P2RY12: variants seen among roughly 807,000 people sequenced by gnomAD.
P2RY12 encodes the protein P2Y purinoceptor 12.
Under a neutral mutation model 4.5 loss-of-function variants are expected in P2RY12, and 3 were observed. The ratio of observed to expected loss-of-function variants is 0.67; its 90% CI spans 0.31 to 1.74. P2RY12 has a LOEUF of 1.74. Ranked by LOEUF, P2RY12 falls within the 40% of genes most tolerant of loss-of-function variation. The pLI is 0.09. For synonymous variants in P2RY12, 148 were observed against 154.1 expected (o/e 0.96, Z 0.29); for missense variants, 356 against 407.8 (o/e 0.87, Z 1.09).
At chr3:151,368,644 CATTTCATT>C (rs1755672675) in intron 1 of P2RY12, among the ~76,000 whole-genome samples, 1 of 61,046 alleles carries the variant, frequency 1.6e-5, no homozygotes, top group African/African-American at 8.0e-5. Context: ...CATTTCATTT[CATTTCATT>C]TCATTTCATT....
chr3:151,350,180 A>G (rs1188475734), intron 1 of P2RY12: 3 of 1,613,936 alleles, frequency 1.9e-6, no homozygotes, highest in Middle Eastern at 1.7e-4. Flanking sequence ...AAAATTCTAA[A>G]TAAGAAGAGC....
intron 1 of P2RY12, among the ~76,000 whole-genome samples, chr3:151,377,439 T>C (rs1756978725): frequency 6.6e-6 from 1 of 152,256 alleles, no homozygotes; most frequent in African/African-American, 2.4e-5. Flanking sequence ...CTTAGTCTAC[T>C]GTGTTACGTA....
chr3:151,361,315 C>T (rs919688123), intron 1 of P2RY12, among the ~76,000 whole-genome samples: 1 of 151,882 alleles, frequency 6.6e-6, no homozygotes, highest in East Asian at 1.9e-4. Flanking sequence ...TGACCAGTAC[C>T]CTCACTGAAT....
intron 1 of P2RY12, chr3:151,356,120 C>T (rs1753885370): frequency 2.8e-6 from 4 of 1,406,366 alleles, no homozygotes; most frequent in Non-Finnish European, 3.9e-6. Context: ...AGCCAATTAG[C>T]TGGGCACAGT....
intron 1 of P2RY12, among the ~76,000 whole-genome samples, chr3:151,359,323 T>G (rs1369172980): frequency 6.6e-6 from 1 of 152,206 alleles, no homozygotes; most frequent in African/African-American, 2.4e-5. Flanking sequence ...GTTGAATCAT[T>G]ACTTTTCTTC....
chr3:151,352,779 A>G (rs79799079), intron 1 of P2RY12, among the ~76,000 whole-genome samples: 49 of 152,302 alleles, frequency 3.2e-4, no homozygotes, highest in East Asian at 1.9e-3. Context: ...TTGGTTGTCA[A>G]TGGTGTATCT....
intron 1 of P2RY12, among the ~76,000 whole-genome samples, chr3:151,350,662 A>G (rs1235012009): frequency 6.6e-6 from 1 of 152,152 alleles, no homozygotes; most frequent in African/African-American, 2.4e-5. Flanking sequence ...TCATGACAGC[A>G]TATTTGCTCA....
chr3:151,378,672 G>A (rs1170026048), intron 1 of P2RY12, among the ~76,000 whole-genome samples: 1 of 151,836 alleles, frequency 6.6e-6, no homozygotes, highest in African/African-American at 2.4e-5. Context: ...TTATGCCCAA[G>A]AAAAGGTTTC....
At chr3:151,359,289 TTTGC>T (rs1754321712) in intron 1 of P2RY12, among the ~76,000 whole-genome samples, 1 of 152,140 alleles carries the variant, frequency 6.6e-6, no homozygotes, top group South Asian at 2.1e-4. Context: ...TAGTTTTTGG[TTTGC>T]TTGTTTATAT....
At chr3:151,341,825 G>T (rs1412538221) in intron 1 of P2RY12, among the ~76,000 whole-genome samples, 1 of 151,718 alleles carries the variant, frequency 6.6e-6, no homozygotes, top group Non-Finnish European at 1.5e-5. Flanking sequence ...AGAATATGTG[G>T]TGTTTGGTTT....
At chr3:151,360,381 C>T in intron 1 of P2RY12, 2 of 1,144,506 alleles carry the variant, frequency 1.7e-6, no homozygotes, top group Non-Finnish European at 2.5e-6. Flanking sequence ...TTTTTCTTAC[C>T]CAAGTGATAC....
intron 1 of P2RY12, among the ~76,000 whole-genome samples, chr3:151,348,797 G>A (rs1012446408): frequency 3.3e-5 from 5 of 152,174 alleles, no homozygotes; most frequent in African/African-American, 4.8e-5. Context: ...AAAAACAGGC[G>A]CTTAGTTTAA....
In P2RY12 at chr3:151,338,502, A is replaced by G. The variant is rs1374555502; in HGVS notation, c.344T>C (p.Leu115Pro). 3.1e-6 allele frequency: 5 copies of G among 1,613,890 alleles called. No homozygotes were observed. Among genetic ancestry groups the G allele is most frequent in the African/African-American group, 1.3e-5 (1 of 74,874 alleles). ...YFTMYISISF[L>P]GLITIDRYQK... ...GTAGCGATCGATAGTTATCAGTCCC[A>G]GGAATGAAATACTGATATACATTGT... is the stretch of plus-strand genomic sequence containing the variant. Residue 115 changes from leucine to proline, a missense_variant, in exon 3 of 3, where the codon CTG (leucine) becomes CCG (proline). Leu to Pro is a moderately conservative substitution (Grantham distance 98). Coordinates refer to ENST00000302632, the MANE Select transcript of P2RY12 (RefSeq NM_022788.5).
At chr3:151,378,174 G>A in intron 1 of P2RY12, 1 of 1,599,738 alleles carries the variant, frequency 6.3e-7, no homozygotes, top group Non-Finnish European at 8.5e-7. Context: ...AACAGAAAAG[G>A]TGTGGCTGGA....
chr3:151,355,807 C>G, intron 1 of P2RY12: 1 of 1,182,830 alleles, frequency 8.5e-7, no homozygotes, highest in East Asian at 2.6e-5. Context: ...TGTATAGATT[C>G]AACTGTCTTA....
chr3:151,369,901 C>CTAAAT (rs1382897773), intron 1 of P2RY12, among the ~76,000 whole-genome samples: 1 of 152,132 alleles, frequency 6.6e-6, no homozygotes, highest in African/African-American at 2.4e-5. Flanking sequence ...GGTAATCTAA[C>CTAAAT]TAAATGTTTA....
At chr3:151,370,371 G>A (rs1756021201) in intron 1 of P2RY12, among the ~76,000 whole-genome samples, 1 of 152,152 alleles carries the variant, frequency 6.6e-6, no homozygotes, top group Non-Finnish European at 1.5e-5. Flanking sequence ...AATTGCTTTA[G>A]ATGAGTCCTA....
intron 1 of P2RY12, chr3:151,368,291 G>A: frequency 6.4e-7 from 1 of 1,550,748 alleles, no homozygotes; most frequent in Non-Finnish European, 8.9e-7. Context: ...CTTTTCATTG[G>A]TAGCTAAAGT....
At position 151,372,453 on chromosome 3, in the gene P2RY12, A is replaced by G. The variant is rs181751456; in HGVS notation, c.-180+12239T>C. The G allele has an allele frequency of 9.0e-5, 66 of 732,612 alleles. No homozygotes were observed. In the East Asian group the frequency reaches 1.6e-3, roughly 18 times the overall value. 45.4% of individuals were successfully genotyped at this position (732,612 alleles called of 1,614,324 possible). ...CTATTCCTGAACAACTGGCTATTCA[A>G]TAATAATACTGTTCATATATTTTAA... On this transcript the variant is annotated intron_variant, in intron 1 of 2. Coordinates refer to ENST00000302632, the MANE Select transcript of P2RY12 (RefSeq NM_022788.5).
Sources: allele counts gnomAD v4.1 joint callset (sites outside exome capture counted in the v4.1 genomes callset), GRCh38; gene constraint gnomAD v4.1.1; transcripts MANE v1.5; gene names NCBI Gene and HGNC (gene_info 2026-07-23, HGNC 2026-07-21).